ERH: variants seen among roughly 807,000 people sequenced by gnomAD.
ERH encodes the protein ERH mRNA splicing and mitosis factor.
Under a neutral mutation model 16.8 loss-of-function variants are expected in ERH, and 1 was observed. The ratio of observed to expected loss-of-function variants is 0.06; its 90% CI spans 0.02 to 0.28. ERH has a LOEUF of 0.28. Ranked by LOEUF, ERH falls within the 10% of genes least tolerant of loss-of-function variation. The pLI, the probability that ERH is intolerant of heterozygous loss-of-function variation, is 1.00. For synonymous variants in ERH, 43 were observed against 43.6 expected (o/e 0.99, Z 0.05); for missense variants, 42 against 127.5 (o/e 0.33, Z 3.23).
At chr14:69,387,132 C>G in intron 2 of ERH, 49 bp from the exon 3 acceptor site, 1 of 1,548,348 alleles carries the variant, frequency 6.5e-7, no homozygotes. Flanking sequence ...GCATACACTT[C>G]TAGATATGAG....
chr14:69,387,097 G>A lies in ERH; in HGVS notation c.92-14C>T, dbSNP rs2045897239. The A allele has an allele frequency of 1.9e-6, 3 of 1,610,446 alleles. No individual in the cohort carries two copies. The highest frequency in any genetic ancestry group is 2.5e-6 in the Non-Finnish European group (3 of 1,178,300). ...TTTTACAAACACCTAAGAAAGGATA[G>A]GAAAAAAAGCAAAATCTTACAATCG... On this transcript the variant is annotated splice_polypyrimidine_tract_variant and intron_variant, in intron 2 of 3. Coordinates refer to ENST00000557016, the MANE Select transcript of ERH (RefSeq NM_004450.3).
In ERH at chr14:69,389,951, G is replaced by T. The variant is rs138513626; in HGVS notation, c.92-2868C>A. 6.4e-3 allele frequency among the ~76,000 whole-genome samples: 967 copies of T among 152,240 alleles called. 6 individuals carry two copies. Among genetic ancestry groups the T allele is most frequent in the African/African-American group, 0.022 (928 of 41,542 alleles). ...TTTTTGTACTTTTTGGAGAGCAGGG[G>T]TTTCATCATGTTGCCCAGGCTAGTC... On this transcript the variant is annotated intron_variant, in intron 2 of 3. Coordinates refer to ENST00000557016, the MANE Select transcript of ERH (RefSeq NM_004450.3).
At chr14:69,394,036 A>G (rs1171644838) in intron 2 of ERH, among the ~76,000 whole-genome samples, 1 of 152,046 alleles carries the variant, frequency 6.6e-6, no homozygotes, top group Non-Finnish European at 1.5e-5. Flanking sequence ...AAAAAAAAAA[A>G]AGGCCCAGAC....
At chr14:69,392,204 T>C (rs114704234) in intron 2 of ERH, among the ~76,000 whole-genome samples, 100 of 141,336 alleles carry the variant, frequency 7.1e-4, no homozygotes, top group Non-Finnish European at 1.3e-3. Flanking sequence ...GAATATTTAC[T>C]ACAAGAAAAA....
intron 2 of ERH, among the ~76,000 whole-genome samples, 176 bp downstream of exon 2, chr14:69,394,649 C>A (rs550330465): frequency 1.1e-4 from 16 of 152,100 alleles, no homozygotes; most frequent in Non-Finnish European, 2.2e-4. Context: ...TAATTATGGT[C>A]CATCCTAAAT....
At chr14:69,391,880 A>G (rs1285014063) in intron 2 of ERH, among the ~76,000 whole-genome samples, 1 of 152,092 alleles carries the variant, frequency 6.6e-6, no homozygotes, top group East Asian at 1.9e-4. Flanking sequence ...AAAGGTAGAT[A>G]CACGTAATTA....
intron 2 of ERH, among the ~76,000 whole-genome samples, chr14:69,392,345 A>C (rs1037055371): frequency 1.3e-5 from 2 of 152,204 alleles, no homozygotes; most frequent in African/African-American, 4.8e-5. Context: ...TTTTAGAAAA[A>C]GAGCTACCAA....
rs746981400 is a variant in ERH, at chr14:69,398,285, G to A, written c.-52C>T. On this transcript the variant is annotated 5_prime_UTR_variant, in exon 1 of 4. Coordinates refer to ENST00000557016, the MANE Select transcript of ERH (RefSeq NM_004450.3). ...GCTGCCGACACCGCCGCCGTTACAC[G>A]AGCTTAACTACAACGCCGCTAACAG... The A allele has an allele frequency of 1.9e-6, 3 of 1,613,384 alleles. No individual in the cohort carries two copies. The highest frequency in any genetic ancestry group is 1.7e-4 in the Middle Eastern group (1 of 6,060).
At position 69,398,122 on chromosome 14, in the gene ERH, GC is replaced by G. The variant is rs1343642369; in HGVS notation, c.3+108del. On this transcript the variant is annotated intron_variant, in intron 1 of 3. Transcript: ENST00000557016. Reference sequence around the variant, plus strand: ...AATCCACCGACTAGAGTGGCGGGGAGCATCACGCGGCGCTGCATGGGGCTCG... The same window carrying G: ...AATCCACCGACTAGAGTGGCGGGGAGATCACGCGGCGCTGCATGGGGCTCG... 3.2e-6 allele frequency: 4 copies of G among 1,240,014 alleles called. No homozygotes were observed. In the East Asian group the frequency reaches 1.0e-4, roughly 31 times the overall value. 76.8% of individuals were successfully genotyped at this position (1,240,014 alleles called of 1,614,324 possible).
At position 69,389,262 on chromosome 14, in the gene ERH, G is replaced by A. The variant is rs569656167; in HGVS notation, c.92-2179C>T. ...GGCTGGTCTTGAACTCTTGACCTCA[G>A]GTGATCCACCCGCGTCGGCCTCCCA... On this transcript the variant is annotated intron_variant, in intron 2 of 3. Transcript: ENST00000557016. Among the ~76,000 whole-genome samples the A allele has an allele frequency of 4.6e-5, 7 of 152,222 alleles. No individual in the cohort carries two copies. The East Asian group carries it at 1.4e-3, about 29-fold the overall frequency.
intron 3 of ERH, 76 bp from the exon 4 acceptor site, chr14:69,380,716 G>A: frequency 1.3e-6 from 1 of 794,960 alleles, no homozygotes; most frequent in Non-Finnish European, 2.2e-6. Context: ...AATTATAACT[G>A]CCCAATGATG....
intron 3 of ERH, among the ~76,000 whole-genome samples, chr14:69,384,626 T>G (rs1402841815): frequency 2.0e-5 from 3 of 152,212 alleles, no homozygotes; most frequent in Non-Finnish European, 4.4e-5. Context: ...CATTAATTTT[T>G]AATCAATGCA....
chr14:69,382,817 T>C (rs2045870939), intron 3 of ERH, among the ~76,000 whole-genome samples: 1 of 148,216 alleles, frequency 6.7e-6, no homozygotes, highest in Non-Finnish European at 1.5e-5. Context: ...AAAGCAATAA[T>C]GCCTTCTTTA....
chr14:69,396,272 T>G (rs1882331234), intron 1 of ERH, among the ~76,000 whole-genome samples: 1 of 152,188 alleles, frequency 6.6e-6, no homozygotes, highest in African/African-American at 2.4e-5. Context: ...ATAACATAAT[T>G]TTTTTTTGGA....
chr14:69,380,991 C>CA (rs1327687810), intron 3 of ERH, among the ~76,000 whole-genome samples: 1 of 152,080 alleles, frequency 6.6e-6, no homozygotes, highest in East Asian at 1.9e-4. Flanking sequence ...AAAACAACAA[C>CA]AAAAAAATTG....
intron 2 of ERH, among the ~76,000 whole-genome samples, chr14:69,393,603 A>C (rs1428193263): frequency 3.3e-5 from 5 of 152,240 alleles, no homozygotes; most frequent in Non-Finnish European, 7.3e-5. Context: ...GTGGAGGCTA[A>C]ATGATGTGTG....
intron 1 of ERH, among the ~76,000 whole-genome samples, chr14:69,395,664 G>C (rs553173447): frequency 3.0e-4 from 45 of 152,274 alleles, no homozygotes; most frequent in African/African-American, 1.0e-3. Context: ...CTCAGCGTAA[G>C]AGCAAAGTCA....
Position 69,380,505 on chromosome 14 carries a change from C to A in ERH, c.*33G>T. 1 of 920,706 alleles carries A rather than the reference C, an allele frequency of 1.1e-6. No individual in the cohort carries two copies. Among genetic ancestry groups the A allele is most frequent in the Non-Finnish European group, 1.8e-6 (1 of 551,238 alleles). The allele number at this position is 920,706 out of a possible 1,614,324, so 57.0% of individuals were successfully genotyped here. A position where few individuals can be genotyped will look rare whatever the true frequency, so the allele number is the denominator to read the frequency against. ...ACGCTGTACACACCTGTGTTCCAAG[C>A]CCACCCCAACCCCCCCAGTGCTTCC... On this transcript the variant is annotated 3_prime_UTR_variant, in exon 4 of 4. Transcript: ENST00000557016.
At chr14:69,398,165 T>C (rs1333050339) in intron 1 of ERH, 66 bp downstream of exon 1, 23 of 1,598,114 alleles carry the variant, frequency 1.4e-5, no homozygotes, top group Admixed American at 3.4e-5. Flanking sequence ...GGGGAAAACG[T>C]ATGGGGCTGG....
Sources: allele counts gnomAD v4.1 joint callset (sites outside exome capture counted in the v4.1 genomes callset), GRCh38; gene constraint gnomAD v4.1.1; transcripts MANE v1.5; gene names NCBI Gene and HGNC (gene_info 2026-07-23, HGNC 2026-07-21).